Variants in TSSK4 observed in about 807,000 individuals in gnomAD.
The protein encoded by TSSK4 is testis-specific serine/threonine-protein kinase 4.
In TSSK4, 22 loss-of-function variants were observed where a neutral mutation model predicts 28.5. That is an observed-to-expected ratio of 0.77 (90% confidence interval 0.55 to 1.10). The LOEUF is 1.10. TSSK4 is among the 50% of genes least tolerant of loss of function. TSSK4 has a pLI of 0.00. For synonymous variants in TSSK4, 151 were observed against 158.3 expected, an observed-to-expected ratio of 0.95 and a Z score of 0.35; for missense variants, 329 against 415.4, an observed-to-expected ratio of 0.79 and a Z score of 1.81.
chr14:24,206,973 C>A, intron 2 of TSSK4, 143 bp from the exon 3 acceptor site: 1 of 1,210,976 alleles, frequency 8.3e-7, no homozygotes, highest in Non-Finnish European at 1.2e-6. Context: ...CTACTTTGGG[C>A]TCTGCTCACA....
chr14:24,206,089 A>G lies in TSSK4; in HGVS notation c.166A>G (p.Ile56Val), dbSNP rs2039512260. ...GAAGGTTATGGTGGCAGTCAAGATC[A>G]TCTCAAAGAAGAAGGCCTCTGATGA... ...KQKVMVAVKI[I>V]SKKKASDDYL... The change falls in exon 1 of 4, where the codon ATC (isoleucine) becomes GTC (valine). Residue 56 changes from isoleucine to valine, a missense_variant. Around this residue, in one of 3 missense-constraint regions of TSSK4, gnomAD observed 175 missense variants for 196.0 expected, o/e 0.89. Coordinates refer to ENST00000339917, the MANE Select transcript of TSSK4 (RefSeq NM_001184739.2). 1 of 1,614,212 alleles carries G rather than the reference A, an allele frequency of 6.2e-7. No homozygotes were observed. Among genetic ancestry groups the G allele is most frequent in the Non-Finnish European group, 8.5e-7 (1 of 1,180,038 alleles).
In TSSK4 at chr14:24,207,508, A is replaced by C. The variant is rs765252953; in HGVS notation, c.833A>C (p.Lys278Thr). ...PANHTISQEC[K>T]NLILQMLRQA... ...AACCATACCATCTCCCAGGAGTGCA[A>C]GGTACTGGCTACCTAAGGAGGGCTG... Residue 278 changes from lysine to threonine, a missense_variant and splice_region_variant, in exon 3 of 4, where the codon AAG (lysine) becomes ACG (threonine). Physicochemically the swap from Lys to Thr is moderately conservative, Grantham distance 78. Transcript: ENST00000339917. The C allele has an allele frequency of 6.2e-7, 1 of 1,604,582 alleles. No homozygotes were observed. The highest frequency in any genetic ancestry group is 8.5e-7 in the Non-Finnish European group (1 of 1,175,216).
chr14:24,207,062 C>T (rs1347224274), intron 2 of TSSK4, 54 bp from the exon 3 acceptor site: 1 of 1,597,774 alleles, frequency 6.3e-7, no homozygotes, highest in South Asian at 1.1e-5. Flanking sequence ...CTCATCTTTA[C>T]CCTCTGACCC....
chr14:24,206,961 C>G, intron 2 of TSSK4, 155 bp from the exon 3 acceptor site: 2 of 1,111,666 alleles, frequency 1.8e-6, no homozygotes, highest in Non-Finnish European at 1.3e-6. Flanking sequence ...CTGTCTCTCT[C>G]CCTACTTTGG....
rs542219279 is a variant in TSSK4, at chr14:24,207,001, C to A, written c.441-115C>A. ...TGCTCACAACTCCATGGCTTTCCTT[C>A]CTCTCTACCTTGTGCCCTCATAATG... On this transcript the variant is annotated intron_variant, in intron 2 of 3. Coordinates refer to ENST00000339917, the MANE Select transcript of TSSK4 (RefSeq NM_001184739.2). 129 of 1,417,380 alleles carry A rather than the reference C, an allele frequency of 9.1e-5. No homozygotes were observed. In the South Asian group the frequency reaches 1.5e-3, roughly 16 times the overall value. The allele number at this position is 1,417,380 out of a possible 1,614,324, so 87.8% of individuals were successfully genotyped here.
intron 1 of TSSK4, 132 bp from the exon 2 acceptor site, chr14:24,206,377 C>T (rs774910961): frequency 1.6e-5 from 17 of 1,036,734 alleles, no homozygotes; most frequent in Non-Finnish European, 2.4e-5. Context: ...GCCCACAGGC[C>T]ACCAGTTCTC....
In TSSK4 at chr14:24,206,697, C is replaced by A; in HGVS notation, c.414C>A (p.Tyr138Ter). The stretch of plus-strand genomic sequence containing the variant: ...CCCAGCTGACCCTGGGCATTGCCTA[C>A]CTGCACAGCAAGAGCATCGTGCACC... ...WFSQLTLGIAYLHSKSIVHRL... is the reference protein window; with the variant it reads ...WFSQLTLGIA The change falls in exon 2 of 4, where the codon TAC becomes TAA. Residue 138 changes from tyrosine to a stop codon, truncating the protein, a stop_gained. Transcript: ENST00000339917. LOFTEE classifies it high-confidence loss of function. 1.2e-6 allele frequency: 2 copies of A among 1,613,928 alleles called. No homozygotes were observed. The highest frequency in any genetic ancestry group is 1.7e-6 in the Non-Finnish European group (2 of 1,180,032).
At chr14:24,206,953 GTC>G (rs1185466812) in intron 2 of TSSK4, 161 bp from the exon 3 acceptor site, 9 of 1,074,128 alleles carry the variant, frequency 8.4e-6, no homozygotes, top group Middle Eastern at 1.9e-4. Flanking sequence ...ACCATCCTCT[GTC>G]TCTCTCCCTA....
chr14:24,205,791 G>C lies in TSSK4; in HGVS notation c.-133G>C. On this transcript the variant is annotated 5_prime_UTR_variant, in exon 1 of 4. Transcript: ENST00000339917. Reference sequence around the variant, plus strand: ...GGGCTGAGTCCAGCATCCCAGACTCGTGTGACTATATAGGCAAGCATTTGG... The same window carrying C: ...GGGCTGAGTCCAGCATCCCAGACTCCTGTGACTATATAGGCAAGCATTTGG... 4.6e-6 allele frequency: 3 copies of C among 656,810 alleles called. No homozygotes were observed. The highest frequency in any genetic ancestry group is 1.8e-5 in the South Asian group (1 of 54,720). 40.7% of individuals were successfully genotyped at this position (656,810 alleles called of 1,614,324 possible).
chr14:24,207,906 T>G, intron 3 of TSSK4, 58 bp from the exon 4 acceptor site: 1 of 1,613,176 alleles, frequency 6.2e-7, no homozygotes, highest in Non-Finnish European at 8.5e-7. Flanking sequence ...AACTGCTCAT[T>G]GCCTGTGTGG....
intron 2 of TSSK4, 137 bp from the exon 3 acceptor site, chr14:24,206,979 T>A: frequency 7.8e-7 from 1 of 1,285,682 alleles, no homozygotes; most frequent in East Asian, 2.5e-5. Context: ...TGGGCTCTGC[T>A]CACAACTCCA....
rs2039506018 is a variant in TSSK4, at chr14:24,205,784, CAG to C, written c.-138_-137del. On this transcript the variant is annotated 5_prime_UTR_variant, in exon 1 of 4. Coordinates refer to ENST00000339917, the MANE Select transcript of TSSK4 (RefSeq NM_001184739.2). ...TAGTGGAGGGCTGAGTCCAGCATCC[CAG>C]ACTCGTGTGACTATATAGGCAAGCA... 1 of 640,072 alleles carries C rather than the reference CAG, an allele frequency of 1.6e-6. No individual in the cohort carries two copies. Among genetic ancestry groups the C allele is most frequent in the Non-Finnish European group, 2.8e-6 (1 of 355,122 alleles). The allele number at this position is 640,072 out of a possible 1,614,324, so 39.6% of individuals were successfully genotyped here.
chr14:24,206,076 G>T lies in TSSK4; in HGVS notation c.153G>T (p.Val51=). ...TCTACACAAAGCAGAAGGTTATGGTGGCAGTCAAGATCATCTCAAAGAAGA... is the reference window on the plus strand; with the variant it reads ...TCTACACAAAGCAGAAGGTTATGGTTGCAGTCAAGATCATCTCAAAGAAGA... ...EAFYTKQKVM[V]AVKIISKKKA... Residue 51 remains valine (V), a synonymous_variant, in exon 1 of 4, where the codon GTG becomes GTT. Transcript: ENST00000339917. 1 of 1,614,180 alleles carries T rather than the reference G, an allele frequency of 6.2e-7. No individual in the cohort carries two copies. Among genetic ancestry groups the T allele is most frequent in the Middle Eastern group, 1.6e-4 (1 of 6,062 alleles).
chr14:24,206,856 T>A, intron 2 of TSSK4, 133 bp downstream of exon 2: 1 of 1,067,658 alleles, frequency 9.4e-7, no homozygotes, highest in Non-Finnish European at 1.4e-6. Context: ...TCTATTTTAA[T>A]CATATGGTCA....
At position 24,205,904 on chromosome 14, in the gene TSSK4, C is replaced by T. The variant is rs758401719; in HGVS notation, c.-20C>T. 6.2e-7 allele frequency: 1 copy of T among 1,605,836 alleles called. No homozygotes were observed. The highest frequency in any genetic ancestry group is 8.5e-7 in the Non-Finnish European group (1 of 1,173,610). ...GGCTTCCAAGTAGTAAAGCTCCCTG[C>T]TCTCAGCAAGCCCAACACCATGGGG... On this transcript the variant is annotated 5_prime_UTR_variant, in exon 1 of 4. Coordinates refer to ENST00000339917, the MANE Select transcript of TSSK4 (RefSeq NM_001184739.2).
chr14:24,206,547 C>CT lies in TSSK4; in HGVS notation c.265dup (p.Tyr89LeufsTer5). 6.2e-7 allele frequency: 1 copy of CT among 1,614,240 alleles called. No homozygotes were observed. On this transcript the variant is annotated frameshift_variant, in exon 2 of 4. Coordinates refer to ENST00000339917, the MANE Select transcript of TSSK4 (RefSeq NM_001184739.2). LOFTEE classifies it high-confidence loss of function. ...TGCGGCACAAGTACCTCATCAACTT[C>CT]TATCGGGCCATTGAGAGCACATCTC...
intron 1 of TSSK4, 54 bp downstream of exon 1, chr14:24,206,202 G>GT: frequency 6.4e-7 from 1 of 1,566,378 alleles, no homozygotes; most frequent in Non-Finnish European, 8.8e-7. Context: ...GCTGCTTGAG[G>GT]TTTCTCAGAA....
At chr14:24,206,945 C>T (rs2138853918) in intron 2 of TSSK4, 171 bp from the exon 3 acceptor site, 1 of 1,035,290 alleles carries the variant, frequency 9.7e-7, no homozygotes, top group Non-Finnish European at 1.5e-6. Flanking sequence ...CCTCAGATAC[C>T]ATCCTCTGTC....
chr14:24,208,240 T>C lies in TSSK4; in HGVS notation c.*94T>C, dbSNP rs1326434392. On this transcript the variant is annotated 3_prime_UTR_variant, in exon 4 of 4. Coordinates refer to ENST00000339917, the MANE Select transcript of TSSK4 (RefSeq NM_001184739.2). ...AAAAATAAATCTAAGTCTGATTTAG[T>C]TTCATCAACTAGGGTCAAAGACATT... The C allele has an allele frequency of 1.6e-5, 23 of 1,414,944 alleles. No homozygotes were observed. The highest frequency in any genetic ancestry group is 1.9e-5 in the Non-Finnish European group (20 of 1,064,922). 87.6% of individuals were successfully genotyped at this position (1,414,944 alleles called of 1,614,324 possible).
Sources: gnomAD v4.1 joint callset for allele counts on GRCh38, gnomAD v4.1.1 for gene constraint, gnomAD v4.1.1 regional missense constraint, MANE v1.5 for transcripts, NCBI Gene and HGNC (gene_info 2026-07-23, HGNC 2026-07-21) for gene names.